The following UBE2E1 variants were observed in gnomAD, a reference collection of about 807,000 sequenced individuals.
The protein encoded by UBE2E1 is ubiquitin-conjugating enzyme E2 E1.
In UBE2E1, 6 loss-of-function variants were observed where a neutral mutation model predicts 21.4. The observed-to-expected ratio is 0.28, with a 90% CI of 0.15 to 0.55. The LOEUF is 0.55. UBE2E1 is among the 20% of genes least tolerant of loss of function. The probability of loss-of-function intolerance (pLI) is 0.93; values close to 1 mark genes in which losing one functional copy is unlikely to be tolerated. For synonymous variants in UBE2E1, 87 were observed against 82.7 expected, an observed-to-expected ratio of 1.05 and a Z score of -0.28; for missense variants, 142 against 236.5, an observed-to-expected ratio of 0.60 and a Z score of 2.62.
chr3:23,849,234 G>C (rs185751469), intron 3 of UBE2E1, among the ~76,000 whole-genome samples: 1 of 152,258 alleles, frequency 6.6e-6, no homozygotes, highest in East Asian at 1.9e-4. Context: ...CATCTAGCCA[G>C]TTCCCATCTT....
At chr3:23,889,514 A>C in intron 5 of UBE2E1, 1 of 1,387,040 alleles carries the variant, frequency 7.2e-7, no homozygotes, top group South Asian at 1.7e-5. Flanking sequence ...TTTTAGTTTC[A>C]ATTATTCTTC....
At chr3:23,828,542 G>A (rs1283297928) in intron 3 of UBE2E1, among the ~76,000 whole-genome samples, 1 of 152,198 alleles carries the variant, frequency 6.6e-6, no homozygotes, top group Non-Finnish European at 1.5e-5. Flanking sequence ...CATATAGATA[G>A]AAGTTACTTT....
chr3:23,861,544 C>A (rs986474125), intron 3 of UBE2E1, among the ~76,000 whole-genome samples: 24 of 152,212 alleles, frequency 1.6e-4, no homozygotes, highest in African/African-American at 5.5e-4. Flanking sequence ...TTTCCCAAGA[C>A]CACTTTGACC....
At chr3:23,809,715 A>G (rs1454867634) in intron 2 of UBE2E1, among the ~76,000 whole-genome samples, 9 of 152,216 alleles carry the variant, frequency 5.9e-5, no homozygotes, top group Admixed American at 2.0e-4. Context: ...ACTGAAGTCA[A>G]TATGTATTTT....
chr3:23,809,412 G>A (rs1203486075), intron 2 of UBE2E1, among the ~76,000 whole-genome samples: 3 of 152,192 alleles, frequency 2.0e-5, no homozygotes, highest in African/African-American at 7.2e-5. Context: ...GAGTAGGAGT[G>A]AAAAAGAAGC....
intron 3 of UBE2E1, among the ~76,000 whole-genome samples, chr3:23,857,927 G>GCTT (rs973114381): frequency 6.6e-6 from 1 of 152,052 alleles, no homozygotes; most frequent in Non-Finnish European, 1.5e-5. Flanking sequence ...TCGGCTCACT[G>GCTT]CAACCTCTGT....
rs1037320056 is a variant in UBE2E1 at position 23,821,686 on chromosome 3, G to GT, written c.203+10183dup. 5.3e-5 allele frequency among the ~76,000 whole-genome samples: 8 copies of GT among 152,206 alleles called. 1 individual carries two copies. The highest frequency in any genetic ancestry group is 6.5e-5 in the Admixed American group (1 of 15,290). ...AACAAAAATGACTCCAAGTTTCTGT[G>GT]TTTTTTTGCAATTGGCTAGATGATA... is the stretch of plus-strand genomic sequence containing the variant. On this transcript the variant is annotated intron_variant, in intron 3 of 5. Coordinates refer to ENST00000306627, the MANE Select transcript of UBE2E1 (RefSeq NM_003341.5).
chr3:23,822,578 A>T (rs1377486230), intron 3 of UBE2E1, among the ~76,000 whole-genome samples: 2 of 152,164 alleles, frequency 1.3e-5, no homozygotes, highest in East Asian at 3.9e-4. Context: ...TTACAAGTAA[A>T]TAGTGTCAGG....
Position 23,848,680 on chromosome 3 carries a change from A to G in UBE2E1, c.203+37170A>G. Among the ~76,000 whole-genome samples the G allele has an allele frequency of 2.0e-5, 3 of 152,340 alleles. No homozygotes were observed. The South Asian group carries it at 6.2e-4, about 32-fold the overall frequency. On this transcript the variant is annotated intron_variant, in intron 3 of 5. Transcript: ENST00000306627. ...TACCCTGACAGTTCAGATATGGGAG[A>G]AATCAAGTGGTTTGGTTGGGGAAAA... is the stretch of plus-strand genomic sequence containing the variant.
chr3:23,815,298 T>C (rs1231719706), intron 3 of UBE2E1, among the ~76,000 whole-genome samples: 1 of 152,240 alleles, frequency 6.6e-6, no homozygotes. Context: ...CTAGTTTTTC[T>C]GTATGTGACA....
At chr3:23,886,742 CCT>C (rs1238158637) in intron 3 of UBE2E1, among the ~76,000 whole-genome samples, 5 of 152,180 alleles carry the variant, frequency 3.3e-5, no homozygotes, top group Admixed American at 6.5e-5. Flanking sequence ...CATCAAAACC[CCT>C]GACATTTAAC....
intron 3 of UBE2E1, among the ~76,000 whole-genome samples, chr3:23,828,330 C>T (rs1699797722): frequency 6.6e-6 from 1 of 152,038 alleles, no homozygotes. Flanking sequence ...TTTTAATCTT[C>T]CATTGTGTAA....
At chr3:23,845,020 A>T (rs1044610449) in intron 3 of UBE2E1, among the ~76,000 whole-genome samples, 8 of 152,284 alleles carry the variant, frequency 5.3e-5, no homozygotes, top group Middle Eastern at 3.4e-3. Flanking sequence ...AAATTGACTC[A>T]CCACAAGGAG....
chr3:23,852,143 G>A (rs9990089), intron 3 of UBE2E1, among the ~76,000 whole-genome samples: 81,695 of 152,020 alleles, frequency 0.54, 22,255 homozygotes, highest in Middle Eastern at 0.62. Flanking sequence ...TATGCTTCTT[G>A]TACAACCTGG....
chr3:23,889,203 T>C lies in UBE2E1; in HGVS notation c.428T>C (p.Leu143Pro). ...TTGAAAGATAATTGGAGTCCAGCAC[T>C]AACCATTTCTAAAGTCCTCCTTTCT... Reference protein sequence around the residue: ...DILKDNWSPALTISKVLLSIC... With the variant: ...DILKDNWSPAPTISKVLLSIC... Residue 143 changes from leucine to proline, a missense_variant, in exon 5 of 6, where the codon CTA (leucine) becomes CCA (proline). By Grantham distance (98) the Leu-to-Pro change is moderately conservative. Around this residue, in one of 2 missense-constraint regions of UBE2E1, gnomAD observed 87 missense variants for 184.9 expected, o/e 0.47. Coordinates refer to ENST00000306627, the MANE Select transcript of UBE2E1 (RefSeq NM_003341.5). 6.2e-7 allele frequency: 1 copy of C among 1,613,762 alleles called. No homozygotes were observed. The highest frequency in any genetic ancestry group is 8.5e-7 in the Non-Finnish European group (1 of 1,179,948).
At chr3:23,846,736 A>G (rs1700213337) in intron 3 of UBE2E1, among the ~76,000 whole-genome samples, 1 of 150,576 alleles carries the variant, frequency 6.6e-6, no homozygotes, top group African/African-American at 2.4e-5. Context: ...GGTAATAGAG[A>G]TGGAAAATGG....
In UBE2E1 at chr3:23,823,151, T is replaced by C. The variant is rs1699681179; in HGVS notation, c.203+11641T>C. Among the ~76,000 whole-genome samples the C allele has an allele frequency of 6.6e-6, 1 of 152,212 alleles. No homozygotes were observed. Among genetic ancestry groups the C allele is most frequent in the South Asian group, 2.1e-4 (1 of 4,832 alleles). On this transcript the variant is annotated intron_variant, in intron 3 of 5. Transcript: ENST00000306627. This position sits in a 1 kb window ranked among gnomAD's most constrained non-coding sequence, Gnocchi z 4.2. ...TGAGCCTCTGCGCCCATCCTGTTTT[T>C]CATCCTTTTAATATGGGCTGTTATG...
At chr3:23,888,133 G>T (rs1174563591) in intron 4 of UBE2E1, 1 of 439,378 alleles carries the variant, frequency 2.3e-6, no homozygotes, top group East Asian at 7.0e-5. Context: ...AAAAAAGGCA[G>T]GGCAGGTCAG....
intron 3 of UBE2E1, among the ~76,000 whole-genome samples, chr3:23,886,296 G>A (rs888604167): frequency 1.1e-4 from 17 of 152,302 alleles, no homozygotes; most frequent in African/African-American, 2.4e-4. Flanking sequence ...GATCACTGCC[G>A]TTTAATGAGA....
Sources: gnomAD v4.1 joint callset for allele counts (sites outside exome capture counted in the v4.1 genomes callset) on GRCh38, gnomAD v4.1.1 for gene constraint, gnomAD v4.1.1 regional missense constraint, Gnocchi (gnomAD v3.1) non-coding constraint, MANE v1.5 for transcripts, NCBI Gene and HGNC (gene_info 2026-07-23, HGNC 2026-07-21) for gene names.